Variants in ZNF407 observed in about 807,000 individuals in gnomAD.
ZNF407 encodes the protein zinc finger protein 407.
A neutral mutation model predicts 131.2 loss-of-function variants in ZNF407; 17 were observed. The observed-to-expected ratio is 0.13, with a 90% confidence interval of 0.09 to 0.19. ZNF407 has a LOEUF of 0.19. Among genes scored for constraint, ZNF407 ranks in the 10% least tolerant of loss-of-function variants. The pLI, the probability that ZNF407 is intolerant of heterozygous loss-of-function variation, is 1.00. For synonymous variants in ZNF407, 1,156 were observed against 1,062.0 expected (o/e 1.09, Z -1.72); for missense variants, 2,681 against 2,830.6 (o/e 0.95, Z 1.20).
At chr18:74,984,314 A>AC (rs568917993) in intron 8 of ZNF407, among the ~76,000 whole-genome samples, 94 of 152,326 alleles carry the variant, frequency 6.2e-4, no homozygotes, top group African/African-American at 2.2e-3. Flanking sequence ...GAGGAAAAAA[A>AC]AAGTCATCAC....
At chr18:75,056,737 T>C (rs1973566411) in intron 8 of ZNF407, among the ~76,000 whole-genome samples, 1 of 152,246 alleles carries the variant, frequency 6.6e-6, no homozygotes, top group African/African-American at 2.4e-5. Flanking sequence ...GAGATCAGTT[T>C]GACTGGCCAA....
chr18:74,656,099 T>C (rs1426902465), intron 3 of ZNF407, among the ~76,000 whole-genome samples: 6 of 152,168 alleles, frequency 3.9e-5, no homozygotes, highest in Admixed American at 3.9e-4. Context: ...CATTTATCAT[T>C]ATAATAGAGG....
At chr18:74,616,127 C>T (rs1390056794) in intron 1 of ZNF407, among the ~76,000 whole-genome samples, 2 of 152,142 alleles carry the variant, frequency 1.3e-5, no homozygotes, top group Admixed American at 1.3e-4. Flanking sequence ...CATACATTAA[C>T]CAGTTTTGCC....
intron 3 of ZNF407, among the ~76,000 whole-genome samples, chr18:74,696,111 A>G (rs778938475): frequency 6.6e-6 from 1 of 152,174 alleles, no homozygotes; most frequent in Non-Finnish European, 1.5e-5. Context: ...GCTGTTCAGA[A>G]ACAATTGCTG....
At chr18:74,681,340 C>A (rs1966977978) in intron 3 of ZNF407, among the ~76,000 whole-genome samples, 1 of 152,022 alleles carries the variant, frequency 6.6e-6, no homozygotes, top group Non-Finnish European at 1.5e-5. Context: ...CGCCTAAATG[C>A]TTAAATGATC....
intron 1 of ZNF407, among the ~76,000 whole-genome samples, chr18:74,616,325 T>A (rs1428550751): frequency 3.3e-5 from 5 of 152,280 alleles, no homozygotes; most frequent in East Asian, 3.9e-4. Context: ...AGGTATAATT[T>A]TCAGTAAACC....
intron 4 of ZNF407, among the ~76,000 whole-genome samples, chr18:74,875,507 CTTAT>C (rs890733131): frequency 5.3e-5 from 8 of 152,106 alleles, no homozygotes; most frequent in African/African-American, 1.9e-4. Flanking sequence ...ACTTAACCTC[CTTAT>C]TTGTTTCTTG....
At chr18:74,725,006 G>A (rs550121762) in intron 3 of ZNF407, among the ~76,000 whole-genome samples, 3 of 152,254 alleles carry the variant, frequency 2.0e-5, no homozygotes, top group South Asian at 4.1e-4. Context: ...TTTCTCATTC[G>A]ATGTGTGGGA....
intron 4 of ZNF407, among the ~76,000 whole-genome samples, chr18:74,811,510 C>A (rs1366228286): frequency 1.3e-5 from 2 of 152,236 alleles, no homozygotes; most frequent in African/African-American, 2.4e-5. Context: ...TTGACCCAGC[C>A]ATCCCATTAC....
intron 8 of ZNF407, among the ~76,000 whole-genome samples, chr18:74,977,632 C>G (rs1325003355): frequency 5.5e-4 from 83 of 152,236 alleles, no homozygotes; most frequent in Non-Finnish European, 1.5e-5. Flanking sequence ...CACATCTTGG[C>G]AGGCTCCACA....
At chr18:74,719,984 G>T (rs1375977043) in intron 3 of ZNF407, among the ~76,000 whole-genome samples, 1 of 152,146 alleles carries the variant, frequency 6.6e-6, no homozygotes, top group African/African-American at 2.4e-5. Flanking sequence ...TTTGTTAAAT[G>T]CTAATTTCCT....
intron 4 of ZNF407, among the ~76,000 whole-genome samples, chr18:74,836,902 C>T (rs1173127778): frequency 6.6e-6 from 1 of 152,122 alleles, no homozygotes; most frequent in Admixed American, 6.5e-5. Context: ...CCCACCGACC[C>T]CACTTGCCCT....
chr18:74,947,341 C>T (rs931178754), intron 8 of ZNF407, among the ~76,000 whole-genome samples: 2 of 152,060 alleles, frequency 1.3e-5, no homozygotes, highest in African/African-American at 2.4e-5. Context: ...TAAGAGGGCC[C>T]AAGTTCATGA....
intron 3 of ZNF407, among the ~76,000 whole-genome samples, chr18:74,711,719 T>C (rs1967766805): frequency 6.6e-6 from 1 of 152,186 alleles, no homozygotes; most frequent in South Asian, 2.1e-4. Context: ...CTTATTTTAT[T>C]TTATTTTTTG....
intron 7 of ZNF407, chr18:74,898,567 C>G (rs542033085): frequency 2.0e-5 from 3 of 152,232 alleles, no homozygotes; most frequent in South Asian, 4.1e-4. Context: ...TAATATTAAT[C>G]TTTCCTCTTT....
At chr18:74,931,982 CT>C (rs1359450162) in intron 8 of ZNF407, among the ~76,000 whole-genome samples, 2 of 152,086 alleles carry the variant, frequency 1.3e-5, no homozygotes, top group African/African-American at 4.8e-5. Flanking sequence ...TGAGACATGT[CT>C]TTTTTTCCGC....
chr18:75,049,253 T>C (rs1973471887), intron 8 of ZNF407, among the ~76,000 whole-genome samples: 1 of 152,068 alleles, frequency 6.6e-6, no homozygotes, highest in African/African-American at 2.4e-5. Context: ...TCAGGTAGTA[T>C]GTTGGGTGGC....
chr18:74,771,299 T>C (rs1969354654), intron 3 of ZNF407, among the ~76,000 whole-genome samples: 1 of 152,152 alleles, frequency 6.6e-6, no homozygotes, highest in Non-Finnish European at 1.5e-5. Context: ...GTAAACAAAT[T>C]TCATATAATC....
At position 74,766,319 on chromosome 18, in the gene ZNF407, C is replaced by T. The variant is rs1283286234; in HGVS notation, c.4803-15109C>T. On this transcript the variant is annotated intron_variant, in intron 3 of 8. Transcript: ENST00000299687. Reference sequence around the variant, plus strand: ...CTTGGACAGTGGTGGTATGGGATTCCACAGAAGCTGGGTCCCATCCTATGC... The same window carrying T: ...CTTGGACAGTGGTGGTATGGGATTCTACAGAAGCTGGGTCCCATCCTATGC... Among the ~76,000 whole-genome samples, 6 of 152,244 alleles carry T rather than the reference C, an allele frequency of 3.9e-5. No individual in the cohort carries two copies. The South Asian group carries it at 6.2e-4, about 16-fold the overall frequency.
Sources: gnomAD v4.1 joint callset for allele counts (sites outside exome capture counted in the v4.1 genomes callset) on GRCh38, gnomAD v4.1.1 for gene constraint, MANE v1.5 for transcripts, NCBI Gene and HGNC (gene_info 2026-07-23, HGNC 2026-07-21) for gene names.